Variants in C1orf105 observed in about 807,000 individuals in gnomAD.
C1orf105 encodes uncharacterized protein C1orf105.
A neutral mutation model predicts 20.8 loss-of-function variants in C1orf105; 17 were observed. The observed-to-expected ratio is 0.82, with a 90% CI of 0.56 to 1.23. The LOEUF is 1.23. C1orf105 is among the 50% of genes most tolerant of loss of function. The probability of loss-of-function intolerance (pLI) is 0.00; values close to 1 mark genes in which losing one functional copy is unlikely to be tolerated. For missense variants in C1orf105, 219 were observed against 213.5 expected (o/e 1.03, Z -0.16); for synonymous variants, 72 against 72.1 (o/e 1.00, Z 0.01).
chr1:172,462,391 C>A, intron 5 of C1orf105, 146 bp downstream of exon 5: 2 of 561,432 alleles, frequency 3.6e-6, no homozygotes, highest in Non-Finnish European at 6.0e-6. Flanking sequence ...TTAGGTTAAA[C>A]CAAATTATTA....
At chr1:172,441,568 C>T (rs1647309765) in intron 1 of C1orf105, 7 of 581,960 alleles carry the variant, frequency 1.2e-5, no homozygotes, top group Non-Finnish European at 1.7e-5. Flanking sequence ...AGGATAAGCA[C>T]CCTCACCACC....
chr1:172,428,133 C>A (rs2071770728), intron 1 of C1orf105, among the ~76,000 whole-genome samples: 2 of 152,200 alleles, frequency 1.3e-5, no homozygotes, highest in Admixed American at 6.5e-5. Flanking sequence ...CTTTCTTTCA[C>A]ACTCTACATC....
chr1:172,429,113 A>C (rs1307610497), intron 1 of C1orf105, among the ~76,000 whole-genome samples: 1 of 152,260 alleles, frequency 6.6e-6, no homozygotes, highest in Non-Finnish European at 1.5e-5. Context: ...TATTAGCCCA[A>C]GTTGGTAACA....
At chr1:172,466,332 A>T (rs1650051256) in intron 6 of C1orf105, among the ~76,000 whole-genome samples, 1 of 152,174 alleles carries the variant, frequency 6.6e-6, no homozygotes, top group Admixed American at 6.5e-5. Context: ...GGCCTAGTTC[A>T]TGGCTCTCAT....
intron 6 of C1orf105, 61 bp downstream of exon 6, chr1:172,465,424 G>A (rs1425027621): frequency 4.2e-6 from 5 of 1,181,914 alleles, no homozygotes; most frequent in Non-Finnish European, 5.1e-6. Flanking sequence ...GCCATAGAAT[G>A]ACAGTCTAAT....
intron 1 of C1orf105, among the ~76,000 whole-genome samples, chr1:172,439,974 G>A (rs565910283): frequency 2.7e-4 from 41 of 152,184 alleles, no homozygotes; most frequent in African/African-American, 9.6e-4. Flanking sequence ...CAGTGTCCTT[G>A]GATATAGAAA....
intron 5 of C1orf105, among the ~76,000 whole-genome samples, chr1:172,463,720 T>A (rs916534458): frequency 1.3e-5 from 2 of 152,264 alleles, no homozygotes; most frequent in African/African-American, 2.4e-5. Flanking sequence ...AGTTTTGTAC[T>A]TTATTTAAAT....
intron 1 of C1orf105, chr1:172,430,234 A>C: frequency 3.0e-6 from 2 of 673,232 alleles, no homozygotes; most frequent in South Asian, 3.2e-5. Context: ...ACTGAATTTA[A>C]GTGATGAGTA....
intron 5 of C1orf105, among the ~76,000 whole-genome samples, chr1:172,464,080 T>G (rs1649878041): frequency 6.6e-6 from 1 of 152,236 alleles, no homozygotes. Flanking sequence ...AAAAGTGACT[T>G]TAATTATAGC....
intron 1 of C1orf105, chr1:172,430,171 T>C: frequency 2.0e-6 from 1 of 504,646 alleles, no homozygotes; most frequent in Non-Finnish European, 3.6e-6. Flanking sequence ...AAATCATTCA[T>C]ATTCTACTTG....
intron 4 of C1orf105, among the ~76,000 whole-genome samples, chr1:172,461,898 C>T (rs1003545572): frequency 6.6e-6 from 1 of 152,218 alleles, no homozygotes; most frequent in Non-Finnish European, 1.5e-5. Context: ...GACAGTTAAC[C>T]TGAGACTTGA....
chr1:172,423,047 C>T (rs1478723152), intron 1 of C1orf105, among the ~76,000 whole-genome samples: 1 of 152,194 alleles, frequency 6.6e-6, no homozygotes, highest in Non-Finnish European at 1.5e-5. Flanking sequence ...ACCCAGGGCC[C>T]AGGGGAACTT....
chr1:172,465,065 C>A (rs1649943157), intron 5 of C1orf105, among the ~76,000 whole-genome samples: 1 of 151,988 alleles, frequency 6.6e-6, no homozygotes, highest in African/African-American at 2.4e-5. Flanking sequence ...TGCCTGTAAT[C>A]CCAACTACTC....
At position 172,468,642 on chromosome 1, in the gene C1orf105, C is replaced by A; in HGVS notation, c.*48C>A. 1 of 1,561,932 alleles carries A rather than the reference C, an allele frequency of 6.4e-7. No homozygotes were observed. The highest frequency in any genetic ancestry group is 1.2e-5 in the South Asian group (1 of 84,602). On this transcript the variant is annotated 3_prime_UTR_variant, in exon 7 of 7. Coordinates refer to ENST00000367727, the MANE Select transcript of C1orf105 (RefSeq NM_139240.4). ...CAGACTCCCAGAGAGAAAATAACCT[C>A]GCCAAGCCAATCTTTGACACTGGCA...
chr1:172,435,340 T>A (rs2072005202), intron 1 of C1orf105, among the ~76,000 whole-genome samples: 1 of 152,022 alleles, frequency 6.6e-6, no homozygotes, highest in Admixed American at 6.6e-5. Context: ...GATGCAAAAA[T>A]CCTCAATAAA....
intron 3 of C1orf105, among the ~76,000 whole-genome samples, chr1:172,453,393 A>G (rs1428847164): frequency 6.6e-6 from 1 of 152,238 alleles, no homozygotes; most frequent in African/African-American, 2.4e-5. Context: ...TTGGGCGTCT[A>G]GCCAGTGTTC....
At chr1:172,444,055 C>T (rs1030827645) in intron 1 of C1orf105, 1 of 999,372 alleles carries the variant, frequency 1.0e-6, no homozygotes. Context: ...TTCGGGGCGC[C>T]GGGGCTGCGA....
chr1:172,448,087 G>A (rs895521116), intron 2 of C1orf105, among the ~76,000 whole-genome samples: 8 of 152,252 alleles, frequency 5.3e-5, no homozygotes, highest in African/African-American at 1.9e-4. Flanking sequence ...TACGAAAGGG[G>A]ACAGGTGCAG....
intron 1 of C1orf105, among the ~76,000 whole-genome samples, chr1:172,422,852 C>T (rs1316118591): frequency 6.6e-6 from 1 of 152,142 alleles, no homozygotes; most frequent in African/African-American, 2.4e-5. Flanking sequence ...CCCAGCAGTA[C>T]TCCTCATGGG....
Sources: gnomAD v4.1 joint callset for allele counts (sites outside exome capture counted in the v4.1 genomes callset) on GRCh38, gnomAD v4.1.1 for gene constraint, MANE v1.5 for transcripts, NCBI Gene and HGNC (gene_info 2026-07-23, HGNC 2026-07-21) for gene names.